Variants in RUFY3 observed in about 807,000 individuals in gnomAD.
RUFY3 encodes protein RUFY3.
A neutral mutation model predicts 84.0 loss-of-function variants in RUFY3; 34 were observed. That is an observed-to-expected ratio of 0.40 (90% CI 0.31 to 0.54). The LOEUF (loss-of-function observed/expected upper bound fraction) is 0.54, where lower values mean the gene tolerates loss of function less well. RUFY3 is among the 20% of genes least tolerant of loss of function. RUFY3 has a pLI of 0.39. For missense variants in RUFY3, 507 were observed against 736.8 expected (o/e 0.69, Z 3.61); for synonymous variants, 242 against 252.9 (o/e 0.96, Z 0.41).
rs770286044 is a variant in RUFY3, at chr4:70,722,746, A to G, written c.173A>G (p.His58Arg). The G allele has an allele frequency of 7.4e-6, 12 of 1,613,758 alleles. No individual in the cohort carries two copies. In the African/African-American group the frequency reaches 8.0e-5, roughly 11 times the overall value. Residue 58 changes from histidine to arginine, a missense_variant, in exon 1 of 18, where the codon CAT becomes CGT. Physicochemically the swap from His to Arg is conservative, Grantham distance 29 (BLOSUM62 0). Coordinates refer to ENST00000381006, the MANE Select transcript of RUFY3 (RefSeq NM_001037442.4). ...ISLTPDPEPT[H>R]EDPNYLMANE... ...CTTACACCTGACCCAGAGCCTACCCATGAAGGTATGGTCAGATCCTGTCCG... is the reference window on the plus strand; with the variant it reads ...CTTACACCTGACCCAGAGCCTACCCGTGAAGGTATGGTCAGATCCTGTCCG...
exon 1 of RUFY3, chr4:70,705,250 G>A: frequency 1.4e-6 from 2 of 1,451,630 alleles, no homozygotes. Context: ...CTGCTGCTGA[G>A]CTACCCGAGC....
chr4:70,717,290 TG>T (rs1741733960), upstream of RUFY3, among the ~76,000 whole-genome samples: 1 of 152,178 alleles, frequency 6.6e-6, no homozygotes, highest in African/African-American at 2.4e-5. Context: ...AGTATGTAAA[TG>T]TGGAGGGAAC....
chr4:70,749,266 G>A (rs1722717785), intron 1 of RUFY3, among the ~76,000 whole-genome samples: 1 of 152,048 alleles, frequency 6.6e-6, no homozygotes, highest in Non-Finnish European at 1.5e-5. Flanking sequence ...CTGCAGCATG[G>A]AATTCTCAGG....
upstream of RUFY3, among the ~76,000 whole-genome samples, chr4:70,720,382 C>T (rs954520050): frequency 4.6e-5 from 7 of 152,136 alleles, no homozygotes; most frequent in Non-Finnish European, 1.0e-4. Context: ...TGAGGTTTCA[C>T]CATGTTGGCC....
intron 1 of RUFY3, among the ~76,000 whole-genome samples, chr4:70,706,045 C>T (rs1015342801): frequency 2.0e-5 from 3 of 152,162 alleles, no homozygotes; most frequent in African/African-American, 7.2e-5. Flanking sequence ...GACCCACACT[C>T]CGTGCTGTAT....
chr4:70,776,653 G>A (rs575551067), intron 7 of RUFY3, among the ~76,000 whole-genome samples: 1 of 152,288 alleles, frequency 6.6e-6, no homozygotes, highest in South Asian at 2.1e-4. Context: ...CCAGGCGCCT[G>A]TAGTCCCAGC....
intron 1 of RUFY3, among the ~76,000 whole-genome samples, chr4:70,713,590 A>T (rs1741246453): frequency 6.6e-6 from 1 of 152,112 alleles, no homozygotes; most frequent in South Asian, 2.1e-4. Flanking sequence ...AGGTGTGGGA[A>T]CCTTATGATG....
At chr4:70,724,570 GT>G (rs1451049264) in intron 1 of RUFY3, among the ~76,000 whole-genome samples, 1 of 152,150 alleles carries the variant, frequency 6.6e-6, no homozygotes, top group East Asian at 1.9e-4. Flanking sequence ...TATAATCTAA[GT>G]AATAAATTGT....
intron 1 of RUFY3, among the ~76,000 whole-genome samples, chr4:70,723,889 A>G (rs1577949158): frequency 6.6e-6 from 1 of 152,194 alleles, no homozygotes; most frequent in African/African-American, 2.4e-5. Context: ...TTTGATAAGC[A>G]TTTTATCTTC....
intron 1 of RUFY3, among the ~76,000 whole-genome samples, chr4:70,732,188 A>G (rs1719384677): frequency 6.6e-6 from 1 of 152,242 alleles, no homozygotes; most frequent in Non-Finnish European, 1.5e-5. Context: ...CATGTCCTGA[A>G]TCACTGGTTA....
At chr4:70,717,578 TGC>T (rs1741761617), upstream of RUFY3, among the ~76,000 whole-genome samples, 1 of 152,072 alleles carries the variant, frequency 6.6e-6, no homozygotes, top group African/African-American at 2.4e-5. Flanking sequence ...GAAGAGACTT[TGC>T]GTGTGTGTGT....
chr4:70,791,482 T>C, intron 12 of RUFY3: 1 of 1,391,234 alleles, frequency 7.2e-7, no homozygotes, highest in Non-Finnish European at 9.3e-7. Flanking sequence ...CTTATTGTTT[T>C]CTCCCCAGGG....
At chr4:70,805,540 C>T (rs1732745848) in intron 17 of RUFY3, among the ~76,000 whole-genome samples, 1 of 152,202 alleles carries the variant, frequency 6.6e-6, no homozygotes, top group African/African-American at 2.4e-5. Flanking sequence ...ATAGCACCAT[C>T]TGTGATCATG....
intron 12 of RUFY3, chr4:70,792,038 C>T: frequency 1.0e-6 from 1 of 985,258 alleles, no homozygotes; most frequent in Non-Finnish European, 1.2e-6. Context: ...TCATGTTTGT[C>T]ATCTTCTACC....
chr4:70,795,949 T>C (rs190644490), intron 14 of RUFY3, among the ~76,000 whole-genome samples: 13 of 152,306 alleles, frequency 8.5e-5, no homozygotes, highest in Admixed American at 7.8e-4. Flanking sequence ...GTTAGGAGCA[T>C]ATTTCTGGTG....
intron 1 of RUFY3, among the ~76,000 whole-genome samples, chr4:70,734,149 A>G (rs1719900769): frequency 6.6e-6 from 1 of 152,080 alleles, no homozygotes; most frequent in South Asian, 2.1e-4. Context: ...ATTTACTGGC[A>G]TGCTCTGTTT....
intron 1 of RUFY3, among the ~76,000 whole-genome samples, chr4:70,742,901 A>G (rs897733741): frequency 1.3e-5 from 2 of 152,130 alleles, no homozygotes; most frequent in Admixed American, 6.6e-5. Flanking sequence ...TTTTTATGCC[A>G]TCTTTGATTC....
exon 1 of RUFY3, chr4:70,704,957 G>A (rs976495845): frequency 1.7e-4 from 204 of 1,226,868 alleles, no homozygotes; most frequent in Non-Finnish European, 1.9e-4. Flanking sequence ...CCCCGCCGCC[G>A]CCCACCGCTG....
In RUFY3 at chr4:70,705,099, T is replaced by TCGGAGCCCGACTCGCCGGTGGC. The variant is rs757385702; in HGVS notation, c.166_187dup (p.Ala63GlyfsTer67). On this transcript the variant is annotated frameshift_variant, in exon 1 of 12. Transcript: ENST00000417478. LOFTEE classifies it high-confidence loss of function. ...GCCGCCGGCCTCCCCCGCCGGGCAGTCGGAGCCCGACTCGCCGGTGGCCGC... is the reference window on the plus strand; with the variant it reads ...GCCGCCGGCCTCCCCCGCCGGGCAGTCGGAGCCCGACTCGCCGGTGGCCGGAGCCCGACTCGCCGGTGGCCGC... The TCGGAGCCCGACTCGCCGGTGGC allele has an allele frequency of 7.9e-6, 11 of 1,396,050 alleles. No homozygotes were observed. The South Asian group carries it at 1.7e-4, about 22-fold the overall frequency. 86.5% of individuals were successfully genotyped at this position (1,396,050 alleles called of 1,614,324 possible).
Sources: allele counts gnomAD v4.1 joint callset (sites outside exome capture counted in the v4.1 genomes callset), GRCh38; gene constraint gnomAD v4.1.1; transcripts MANE v1.5; gene names NCBI Gene and HGNC (gene_info 2026-07-23, HGNC 2026-07-21).